The following CFAP61 variants were observed in gnomAD, a reference collection of about 807,000 sequenced individuals.
CFAP61 encodes cilia- and flagella-associated protein 61.
In CFAP61, 107 loss-of-function variants were observed where a neutral mutation model predicts 135.6. That is an observed-to-expected ratio of 0.79 (90% CI 0.67 to 0.93). The LOEUF (loss-of-function observed/expected upper bound fraction) is 0.93. Among genes scored for constraint, CFAP61 ranks in the 40% least tolerant of loss-of-function variants. The pLI is 0.00. For missense variants in CFAP61, 1,507 were observed against 1,556.2 expected, an observed-to-expected ratio of 0.97 and a Z score of 0.53; for synonymous variants, 575 against 578.5, an observed-to-expected ratio of 0.99 and a Z score of 0.09.
intron 25 of CFAP61, among the ~76,000 whole-genome samples, chr20:20,320,286 A>T (rs1243900510): frequency 7.4e-6 from 1 of 135,760 alleles, no homozygotes; most frequent in Non-Finnish European, 1.5e-5. Context: ...ATTATGATTA[A>T]TTTTTTTAGC....
chr20:20,172,431 C>G (rs1348900835), intron 13 of CFAP61: 2 of 250,948 alleles, frequency 8.0e-6, no homozygotes, highest in Non-Finnish European at 1.3e-5. Context: ...ATCCTCCCAT[C>G]TCAGCCTCCC....
At chr20:20,212,277 ACTCT>A (rs1301110848) in intron 17 of CFAP61, among the ~76,000 whole-genome samples, 1 of 151,026 alleles carries the variant, frequency 6.6e-6, no homozygotes, top group African/African-American at 2.4e-5. Context: ...GCTTCTCATG[ACTCT>A]CTCTCTCTGT....
chr20:20,329,763 C>T (rs1289301764), intron 25 of CFAP61, among the ~76,000 whole-genome samples: 8 of 152,254 alleles, frequency 5.3e-5, no homozygotes, highest in African/African-American at 1.7e-4. Flanking sequence ...GCCCTGCCTG[C>T]TTTGTGCCTC....
chr20:20,180,811 A>G (rs2055010014), intron 13 of CFAP61, among the ~76,000 whole-genome samples: 1 of 152,222 alleles, frequency 6.6e-6, no homozygotes, highest in Non-Finnish European at 1.5e-5. Flanking sequence ...TACACCATGG[A>G]ATACTATGCA....
rs1419514872 is a variant in CFAP61 at position 20,228,322 on chromosome 20, T to C, written c.2006T>C (p.Ile669Thr). ...AAAATTACTGTCAATGCCAAGATCA[T>C]TGTGGTTGGTGCATCCAGTGTTGGA... ...EPKITVNAKIIVVGASSVGIS... is the reference protein window; with the variant it reads ...EPKITVNAKITVVGASSVGIS... The change falls in exon 18 of 27, where the codon ATT (isoleucine) becomes ACT (threonine). Residue 669 changes from isoleucine to threonine, a missense_variant. By Grantham distance (89) the Ile-to-Thr change is moderately conservative. Transcript: ENST00000245957. The C allele has an allele frequency of 8.7e-6, 14 of 1,612,000 alleles. No individual in the cohort carries two copies. Among genetic ancestry groups the C allele is most frequent in the Admixed American group, 5.0e-5 (3 of 59,996 alleles).
chr20:20,128,778 G>A (rs1471240651), intron 8 of CFAP61, among the ~76,000 whole-genome samples: 1 of 151,360 alleles, frequency 6.6e-6, no homozygotes, highest in Admixed American at 6.6e-5. Flanking sequence ...ATAGGTTTTT[G>A]CATTATAGTT....
At chr20:20,181,447 C>T (rs188775972) in intron 13 of CFAP61, among the ~76,000 whole-genome samples, 1 of 152,080 alleles carries the variant, frequency 6.6e-6, no homozygotes. Context: ...AGGTCAAAGT[C>T]AGCCAAAAAC....
Position 20,274,951 on chromosome 20 carries a change from G to T in CFAP61, c.2504-2215G>T, listed in dbSNP as rs111524279. The stretch of plus-strand genomic sequence containing the variant: ...ATCTCCCATATGACCATGCTGGTTT[G>T]CACTGCTGGTCAGTAAATATTCATC... On this transcript the variant is annotated intron_variant, in intron 21 of 26. Transcript: ENST00000245957. Among the ~76,000 whole-genome samples, 232 of 152,302 alleles carry T rather than the reference G, an allele frequency of 1.5e-3. 1 individual carries two copies. The highest frequency in any genetic ancestry group is 5.5e-3 in the African/African-American group (227 of 41,570).
intron 24 of CFAP61, among the ~76,000 whole-genome samples, chr20:20,297,267 C>T (rs1037018713): frequency 2.5e-4 from 38 of 152,202 alleles, no homozygotes; most frequent in Admixed American, 2.1e-3. Flanking sequence ...TGTTTGGGAT[C>T]CAGGCAGTTC....
intron 17 of CFAP61, among the ~76,000 whole-genome samples, chr20:20,210,413 CCTT>C (rs1285392629): frequency 6.6e-6 from 1 of 152,218 alleles, no homozygotes; most frequent in Non-Finnish European, 1.5e-5. Context: ...ACTCAAAAAA[CCTT>C]CTTGCAACCC....
At chr20:20,172,737 C>T (rs140640496) in intron 13 of CFAP61, among the ~76,000 whole-genome samples, 1 of 152,320 alleles carries the variant, frequency 6.6e-6, no homozygotes, top group East Asian at 1.9e-4. Flanking sequence ...CATGAACATC[C>T]AGCACTAGAT....
rs936823138 is a variant in CFAP61 at position 20,314,540 on chromosome 20, T to A, written c.3422+16154T>A. Among the ~76,000 whole-genome samples the A allele has an allele frequency of 2.9e-3, 443 of 150,774 alleles. 3 individuals are homozygous for A. The highest frequency in any genetic ancestry group is 1.8e-3 in the Non-Finnish European group (120 of 67,668). On this transcript the variant is annotated intron_variant, in intron 25 of 26. Transcript: ENST00000245957. ...TTTTTTATTATTATTATTTATTTTTTTTATTATTATTATACTTTAAGTTTT... is the reference window on the plus strand; with the variant it reads ...TTTTTTATTATTATTATTTATTTTTATTATTATTATTATACTTTAAGTTTT...
intron 18 of CFAP61, among the ~76,000 whole-genome samples, chr20:20,243,366 T>C (rs1405848421): frequency 6.6e-6 from 1 of 151,810 alleles, no homozygotes; most frequent in African/African-American, 2.4e-5. Flanking sequence ...ATTCTGCCCC[T>C]GGCCCCTCCC....
chr20:20,350,202 G>A (rs1569324250), intron 26 of CFAP61, among the ~76,000 whole-genome samples: 2 of 152,166 alleles, frequency 1.3e-5, no homozygotes, highest in Non-Finnish European at 2.9e-5. Flanking sequence ...GTGAAGATAT[G>A]GGGAAAATGG....
intron 17 of CFAP61, chr20:20,201,005 T>C: frequency 1.0e-6 from 1 of 958,814 alleles, no homozygotes; most frequent in Non-Finnish European, 1.2e-6. Flanking sequence ...ATTGTAAATT[T>C]ATATGTGAGT....
At chr20:20,347,716 C>T (rs903257592) in intron 26 of CFAP61, among the ~76,000 whole-genome samples, 1 of 151,974 alleles carries the variant, frequency 6.6e-6, no homozygotes, top group Non-Finnish European at 1.5e-5. Context: ...GGGCCGATCA[C>T]GAGGTCAGGA....
chr20:20,200,022 T>A, intron 17 of CFAP61, 120 bp downstream of exon 17: 1 of 1,196,848 alleles, frequency 8.4e-7, no homozygotes, highest in Non-Finnish European at 1.2e-6. Flanking sequence ...AACCTGGTGC[T>A]CATACCCTTA....
chr20:20,133,494 C>G (rs1390501767), intron 8 of CFAP61, among the ~76,000 whole-genome samples: 1 of 152,164 alleles, frequency 6.6e-6, no homozygotes, highest in East Asian at 1.9e-4. Flanking sequence ...ACACATGCCA[C>G]TTGTCCAAGC....
chr20:20,340,921 T>C (rs6106237), intron 25 of CFAP61, among the ~76,000 whole-genome samples: 5,287 of 152,112 alleles, frequency 0.035, 308 homozygotes, highest in African/African-American at 0.12. Context: ...ACTCTCGGCG[T>C]CGTATCTGTC....
Sources: gnomAD v4.1 joint callset for allele counts (sites outside exome capture counted in the v4.1 genomes callset) on GRCh38, gnomAD v4.1.1 for gene constraint, MANE v1.5 for transcripts, NCBI Gene and HGNC (gene_info 2026-07-23, HGNC 2026-07-21) for gene names.